FAT3: variants seen among roughly 807,000 people sequenced by gnomAD.
FAT3 encodes the protein protocadherin Fat 3.
In FAT3, 95 loss-of-function variants were observed where a neutral mutation model predicts 310.2. The ratio of observed to expected loss-of-function variants is 0.31; its 90% confidence interval spans 0.26 to 0.36. The LOEUF (loss-of-function observed/expected upper bound fraction) is 0.36, where lower values mean the gene tolerates loss of function less well. Ranked by LOEUF, FAT3 falls within the 10% of genes least tolerant of loss-of-function variation. The pLI, the probability that FAT3 is intolerant of heterozygous loss-of-function variation, is 1.00. For missense variants in FAT3, 5,408 were observed against 5,715.6 expected, an observed-to-expected ratio of 0.95 and a Z score of 1.74; for synonymous variants, 2,314 against 2,192.9, an observed-to-expected ratio of 1.06 and a Z score of -1.54.
chr11:92,831,824 C>A lies in FAT3; in HGVS notation c.9684C>A (p.Asp3228Glu). 1 of 1,613,730 alleles carries A rather than the reference C, an allele frequency of 6.2e-7. No homozygotes were observed. Among genetic ancestry groups the A allele is most frequent in the Non-Finnish European group, 8.5e-7 (1 of 1,179,804 alleles). ...CTACTGTCACCATCACCGTTCTGGA[C>A]ATTAATGACAACCCCCCTGTGTTTG... ...SLTTVTITVLDINDNPPVFER... is the reference protein window; with the variant it reads ...SLTTVTITVLEINDNPPVFER... Residue 3228 changes from aspartate (D) to glutamate (E), a missense_variant, in exon 14 of 28, where the codon GAC becomes GAA. Coordinates refer to ENST00000525166, the MANE Select transcript of FAT3 (RefSeq NM_001367949.2).
chr11:92,444,488 G>A (rs1005867983), intron 2 of FAT3, among the ~76,000 whole-genome samples: 1 of 152,068 alleles, frequency 6.6e-6, no homozygotes, highest in Non-Finnish European at 1.5e-5. Context: ...AGTGTCCTGC[G>A]CAGAGTGAGT....
At chr11:92,838,719 G>A (rs1948466005) in intron 17 of FAT3, among the ~76,000 whole-genome samples, 1 of 152,084 alleles carries the variant, frequency 6.6e-6, no homozygotes, top group African/African-American at 2.4e-5. Context: ...AATGTGAGTG[G>A]GCCAGCTCTT....
At chr11:92,234,418 G>GA (rs1238617349) in intron 1 of FAT3, among the ~76,000 whole-genome samples, 1 of 152,162 alleles carries the variant, frequency 6.6e-6, no homozygotes, top group Non-Finnish European at 1.5e-5. Flanking sequence ...ACTAGAATGA[G>GA]AAAAAACAGA....
intron 3 of FAT3, among the ~76,000 whole-genome samples, chr11:92,548,349 G>A (rs1002324276): frequency 2.6e-5 from 4 of 152,086 alleles, no homozygotes; most frequent in African/African-American, 9.7e-5. Flanking sequence ...CCCTCCCTAG[G>A]GAAGGTCTAT....
chr11:92,269,160 A>G (rs886767791), intron 1 of FAT3, among the ~76,000 whole-genome samples: 1 of 152,164 alleles, frequency 6.6e-6, no homozygotes, highest in African/African-American at 2.4e-5. Context: ...CTGAAGGTCA[A>G]AAGTTAAGTT....
In FAT3 at chr11:92,805,218, A is replaced by G. The variant is rs987606546; in HGVS notation, c.8962A>G (p.Arg2988Gly). The stretch of plus-strand genomic sequence containing the variant: ...AAGTGAGTGGAAGGTCTATGTGAAG[A>G]GGCCTCTAGACAGAGAAGAACAGGA... ...VQSEWKVYVKRPLDREEQDIY... is the reference protein window; with the variant it reads ...VQSEWKVYVKGPLDREEQDIY... Residue 2988 changes from arginine (R) to glycine (G), a missense_variant, in exon 11 of 28, where the codon AGG becomes GGG. Around this residue, in one of 5 missense-constraint regions of FAT3, gnomAD observed 4,588 missense variants for 4,809.8 expected, o/e 0.95. Coordinates refer to ENST00000525166, the MANE Select transcript of FAT3 (RefSeq NM_001367949.2). 3 of 1,613,862 alleles carry G rather than the reference A, an allele frequency of 1.9e-6. No homozygotes were observed. Among genetic ancestry groups the G allele is most frequent in the Non-Finnish European group, 2.5e-6 (3 of 1,179,812 alleles).
intron 3 of FAT3, among the ~76,000 whole-genome samples, chr11:92,601,557 A>T (rs1331480306): frequency 6.6e-6 from 1 of 152,132 alleles, no homozygotes; most frequent in Non-Finnish European, 1.5e-5. Context: ...GTCGCACACC[A>T]CTGCACTCCA....
intron 3 of FAT3, among the ~76,000 whole-genome samples, chr11:92,549,577 G>C (rs1255119540): frequency 6.8e-6 from 1 of 147,396 alleles, no homozygotes; most frequent in East Asian, 2.1e-4. Context: ...TTAAGGTACA[G>C]GTTGATGATG....
At chr11:92,298,607 T>C in intron 1 of FAT3, among the ~76,000 whole-genome samples, 1 of 152,170 alleles carries the variant, frequency 6.6e-6, no homozygotes, top group African/African-American at 2.4e-5. Flanking sequence ...TTTGGGTCTT[T>C]GGTTCAGCAT....
intron 4 of FAT3, among the ~76,000 whole-genome samples, chr11:92,740,889 T>C (rs1257884498): frequency 6.6e-6 from 1 of 152,312 alleles, no homozygotes; most frequent in South Asian, 2.1e-4. Context: ...TCTGGATACA[T>C]TGAGTTATTT....
chr11:92,287,441 G>A (rs1164288832), intron 1 of FAT3, among the ~76,000 whole-genome samples: 3 of 152,076 alleles, frequency 2.0e-5, no homozygotes, highest in Admixed American at 6.6e-5. Context: ...AGCACTATGG[G>A]TCCTTTATAA....
At chr11:92,683,258 A>C (rs1943539367) in intron 3 of FAT3, among the ~76,000 whole-genome samples, 1 of 152,130 alleles carries the variant, frequency 6.6e-6, no homozygotes, top group South Asian at 2.1e-4. Context: ...AGACACTTCC[A>C]CACTGAAAGT....
At chr11:92,550,100 C>T (rs898906129) in intron 3 of FAT3, among the ~76,000 whole-genome samples, 1 of 152,142 alleles carries the variant, frequency 6.6e-6, no homozygotes, top group South Asian at 2.1e-4. Context: ...GAAAAACTTT[C>T]AAGAATTAAA....
intron 2 of FAT3, among the ~76,000 whole-genome samples, chr11:92,402,556 C>T (rs1237226523): frequency 1.3e-5 from 2 of 151,622 alleles, no homozygotes; most frequent in Admixed American, 1.3e-4. Context: ...ATGGTGAAAC[C>T]CTGTCTCCAC....
At chr11:92,351,639 T>C (rs760090799) in intron 1 of FAT3, among the ~76,000 whole-genome samples, 2 of 151,316 alleles carry the variant, frequency 1.3e-5, no homozygotes, top group Non-Finnish European at 2.9e-5. Context: ...TATTCAGTCC[T>C]CTATTGATAG....
At position 92,801,367 on chromosome 11, in the gene FAT3, C is replaced by G; in HGVS notation, c.8354C>G (p.Ala2785Gly). 6.2e-7 allele frequency: 1 copy of G among 1,613,874 alleles called. No homozygotes were observed. The highest frequency in any genetic ancestry group is 1.1e-5 in the South Asian group (1 of 91,062). ...CCAGCTTTCCACTTTAAAGTAGCAG[C>G]CACTATACCCCTGGACAAAGTAGAC... Reference protein sequence around the residue: ...TSPAFHFKVAATIPLDKVDIV... With the variant: ...TSPAFHFKVAGTIPLDKVDIV... The change falls in exon 10 of 28, where the codon GCC (alanine) becomes GGC (glycine). Residue 2785 changes from alanine to glycine, a missense_variant. Physicochemically the swap from Ala to Gly is moderately conservative, Grantham distance 60. Transcript: ENST00000525166.
At chr11:92,497,863 T>G (rs1210630867) in intron 2 of FAT3, among the ~76,000 whole-genome samples, 1 of 152,050 alleles carries the variant, frequency 6.6e-6, no homozygotes, top group Admixed American at 6.6e-5. Context: ...GGTAGCATAC[T>G]TCTGGGGGAG....
chr11:92,793,214 T>G (rs1367679912), intron 9 of FAT3, among the ~76,000 whole-genome samples: 1 of 152,192 alleles, frequency 6.6e-6, no homozygotes, highest in Non-Finnish European at 1.5e-5. Context: ...TGATCTTGGA[T>G]TTTTCTTGGA....
chr11:92,776,207 G>A (rs1326000590), intron 7 of FAT3, among the ~76,000 whole-genome samples: 1 of 152,094 alleles, frequency 6.6e-6, no homozygotes, highest in Non-Finnish European at 1.5e-5. Flanking sequence ...GGTATTCAGT[G>A]TGCCCAGAAT....
Sources: allele counts gnomAD v4.1 joint callset (sites outside exome capture counted in the v4.1 genomes callset), GRCh38; gene constraint gnomAD v4.1.1; regional missense constraint gnomAD v4.1.1; transcripts MANE v1.5; gene names NCBI Gene and HGNC (gene_info 2026-07-23, HGNC 2026-07-21).